Variants in SGSM1 observed in about 807,000 individuals in gnomAD.
SGSM1 encodes RUN and TBC1 domain containing 2.
SGSM1 carries 73 observed loss-of-function variants against 133.8 expected under a neutral mutation model. The observed-to-expected ratio is 0.55, with a 90% confidence interval of 0.45 to 0.66. The LOEUF (loss-of-function observed/expected upper bound fraction) is 0.66, where lower values mean the gene tolerates loss of function less well. Among genes scored for constraint, SGSM1 ranks in the 30% least tolerant of loss-of-function variants. The pLI is 0.00. For missense variants in SGSM1, 1,213 were observed against 1,448.1 expected, an observed-to-expected ratio of 0.84 and a Z score of 2.64; for synonymous variants, 563 against 573.0, an observed-to-expected ratio of 0.98 and a Z score of 0.25.
chr22:24,859,080 G>A (rs747959353), intron 8 of SGSM1, among the ~76,000 whole-genome samples: 10 of 152,322 alleles, frequency 6.6e-5, no homozygotes, highest in Non-Finnish European at 1.5e-4. Context: ...AAGACAGTGC[G>A]TGTGAAGGCT....
chr22:24,886,550 C>A (rs1438416483), intron 15 of SGSM1, 50 bp from the exon 16 acceptor site: 3 of 1,539,806 alleles, frequency 1.9e-6, no homozygotes, highest in South Asian at 1.2e-5. Flanking sequence ...CTAAAACCAC[C>A]CCCTGGTTTT....
chr22:24,914,480 C>A (rs963190949), intron 22 of SGSM1, among the ~76,000 whole-genome samples: 2 of 150,952 alleles, frequency 1.3e-5, no homozygotes, highest in African/African-American at 4.9e-5. Flanking sequence ...TGTCCCCCCC[C>A]CCAAAAAAAA....
At chr22:24,821,735 C>T (rs1371327701) in intron 2 of SGSM1, among the ~76,000 whole-genome samples, 1 of 152,092 alleles carries the variant, frequency 6.6e-6, no homozygotes, top group Non-Finnish European at 1.5e-5. Context: ...TCTTATTTTC[C>T]CCCCCAAAGT....
At chr22:24,874,203 C>T (rs564093185) in intron 12 of SGSM1, among the ~76,000 whole-genome samples, 4 of 152,296 alleles carry the variant, frequency 2.6e-5, no homozygotes, top group East Asian at 3.9e-4. Context: ...TTGCTCAGGT[C>T]GTAAACTTCC....
chr22:24,822,987 A>G (rs139486685), intron 2 of SGSM1, among the ~76,000 whole-genome samples: 4 of 152,344 alleles, frequency 2.6e-5, no homozygotes, highest in African/African-American at 9.6e-5. Context: ...AAACACCCAT[A>G]GGTGTCTCTT....
rs1439331114 is a variant in SGSM1, at chr22:24,876,666, CAG to C, written c.1384_1385del (p.Ser462TrpfsTer4). On this transcript the variant is annotated frameshift_variant, in exon 13 of 25. Coordinates refer to ENST00000400358, the MANE Select transcript of SGSM1 (RefSeq NM_001098497.3). LOFTEE classifies it high-confidence loss of function. ...GAAGTCCTCCTGTTCATCCTGTTCA[CAG>C]AGTGGCTCGGCTGATGGTAGCTCGA... ...PRKSSCSSCS[Q>X]SGSADGSSTN... The C allele has an allele frequency of 6.2e-7, 1 of 1,614,000 alleles. No individual in the cohort carries two copies. Among genetic ancestry groups the C allele is most frequent in the South Asian group, 1.1e-5 (1 of 91,084 alleles).
chr22:24,897,510 G>A (rs1932948970), intron 18 of SGSM1, among the ~76,000 whole-genome samples: 1 of 152,150 alleles, frequency 6.6e-6, no homozygotes, highest in African/African-American at 2.4e-5. Flanking sequence ...CATCACCCAG[G>A]CTGGAGTGCA....
chr22:24,845,010 T>C (rs1208334176), intron 3 of SGSM1, 38 bp downstream of exon 3: 2 of 1,601,228 alleles, frequency 1.2e-6, no homozygotes, highest in African/African-American at 2.7e-5. Flanking sequence ...TCTTTCTCTG[T>C]GGGCTGCCTC....
At chr22:24,899,021 CAAAA>C (rs11284624) in intron 19 of SGSM1, among the ~76,000 whole-genome samples, 17 of 62,474 alleles carry the variant, frequency 2.7e-4, no homozygotes, top group African/African-American at 6.0e-4. Context: ...AGCAAGATCT[CAAAA>C]AAAAAAAAAA....
At chr22:24,844,576 A>C in intron 2 of SGSM1, 1 of 246,050 alleles carries the variant, frequency 4.1e-6, no homozygotes. Flanking sequence ...GAACTAAAAC[A>C]GGGGATGGGA....
At chr22:24,883,868 A>G (rs1174369759) in intron 14 of SGSM1, among the ~76,000 whole-genome samples, 185 bp from the exon 15 acceptor site, 1 of 152,194 alleles carries the variant, frequency 6.6e-6, no homozygotes, top group Non-Finnish European at 1.5e-5. Flanking sequence ...TGGTGAGAGG[A>G]TCGCATCAGC....
chr22:24,915,337 C>G (rs139773), intron 22 of SGSM1, among the ~76,000 whole-genome samples: 61,679 of 152,174 alleles, frequency 0.41, 12,890 homozygotes, highest in East Asian at 0.65. Context: ...TACTCAGAGT[C>G]CAATTGCTGG....
chr22:24,874,376 AC>A, intron 12 of SGSM1: 1 of 1,575,140 alleles, frequency 6.3e-7, no homozygotes, highest in Non-Finnish European at 8.6e-7. Context: ...CCACCGCAGA[AC>A]CCCCACCTCA....
intron 13 of SGSM1, among the ~76,000 whole-genome samples, chr22:24,877,798 CTTTCTTTTTT>C (rs1191991658): frequency 0.019 from 1,596 of 85,752 alleles, 20 homozygotes; most frequent in African/African-American, 0.056. Flanking sequence ...GAGATTCTTT[CTTTCTTTTTT>C]TTTTTTTTTT....
Position 24,853,804 on chromosome 22 carries a change from G to A in SGSM1, c.456-1192G>A, listed in dbSNP as rs986294447. Reference sequence around the variant, plus strand: ...TTTTTTTTTTTTGTATTTTTAGTAGGTATGGGGTTTCACCGTGTTAGCCAG... The same window carrying A: ...TTTTTTTTTTTTGTATTTTTAGTAGATATGGGGTTTCACCGTGTTAGCCAG... On this transcript the variant is annotated intron_variant, in intron 5 of 24. Transcript: ENST00000400358. Among the ~76,000 whole-genome samples the A allele has an allele frequency of 1.6e-4, 22 of 140,096 alleles. No individual in the cohort carries two copies. The East Asian group carries it at 2.0e-3, about 13-fold the overall frequency. The allele number at this position is 140,096 out of a possible 152,430, so 91.9% of individuals were successfully genotyped here.
intron 8 of SGSM1, among the ~76,000 whole-genome samples, chr22:24,856,393 G>A (rs1037689275): frequency 3.3e-5 from 5 of 152,204 alleles, no homozygotes; most frequent in Non-Finnish European, 5.9e-5. Flanking sequence ...AGACAGTTAT[G>A]ATTTGAATTC....
intron 10 of SGSM1, 123 bp from the exon 11 acceptor site, chr22:24,868,253 A>G: frequency 7.4e-7 from 1 of 1,347,354 alleles, no homozygotes; most frequent in African/African-American, 1.5e-5. Flanking sequence ...ACTTTCCCAG[A>G]GCCTCAGAGC....
intron 21 of SGSM1, among the ~76,000 whole-genome samples, chr22:24,906,162 C>T (rs1270545831): frequency 6.6e-6 from 1 of 152,100 alleles, no homozygotes; most frequent in Non-Finnish European, 1.5e-5. Flanking sequence ...AAGGGAAAAA[C>T]CCACACAATC....
At chr22:24,884,269 T>C (rs1193498771) in intron 15 of SGSM1, 71 bp downstream of exon 15, 15 of 1,530,590 alleles carry the variant, frequency 9.8e-6, no homozygotes, top group Admixed American at 3.9e-5. Context: ...ATCTGAGAAA[T>C]AAGCCCACAT....
Sources: allele counts gnomAD v4.1 joint callset (sites outside exome capture counted in the v4.1 genomes callset), GRCh38; gene constraint gnomAD v4.1.1; transcripts MANE v1.5; gene names NCBI Gene and HGNC (gene_info 2026-07-23, HGNC 2026-07-21).